The following GPR20 variants were observed in gnomAD, a reference collection of about 807,000 sequenced individuals.
The protein encoded by GPR20 is CTD-3064M3.3.
For synonymous variants in GPR20, 241 were observed against 241.9 expected, an observed-to-expected ratio of 1.00 and a Z score of 0.04; for missense variants, 494 against 527.4, an observed-to-expected ratio of 0.94 and a Z score of 0.62.
chr8:141,357,399 C>A lies in GPR20; in HGVS notation c.525G>T (p.Trp175Cys). 1 of 1,593,576 alleles carries A rather than the reference C, an allele frequency of 6.3e-7. No homozygotes were observed. The highest frequency in any genetic ancestry group is 8.5e-7 in the Non-Finnish European group (1 of 1,172,282). The change falls in exon 2 of 2, where the codon TGG (tryptophan) becomes TGT (cysteine). Residue 175 changes from tryptophan (W) to cysteine (C), a missense_variant. Transcript: ENST00000377741. ...ACARAVCAFV[W>C]LAAGAVTLSV... is the part of the protein sequence containing the mutation. The stretch of plus-strand genomic sequence containing the variant: ...ACAGGGTGACGGCACCGGCGGCCAG[C>A]CACACGAAGGCGCACACGGCCCTGG...
Position 141,357,135 on chromosome 8 carries a change from G to A in GPR20, c.789C>T (p.Ala263=), listed in dbSNP as rs776669655. 7.4e-6 allele frequency: 12 copies of A among 1,610,880 alleles called. No homozygotes were observed. The highest frequency in any genetic ancestry group is 5.3e-5 in the African/African-American group (4 of 74,948). The change falls in exon 2 of 2, where the codon GCC becomes GCT. Residue 263 remains alanine, a synonymous_variant. Transcript: ENST00000377741. ...GTGGCATGTCGGGCCACAGCGCCAC[G>A]GCCACTTGGCGGGCGTGGAAGGGCG... ...CFTPFHARQV[A]VALWPDMPHH...
At chr8:141,362,003 C>T (rs1194225871) in intron 1 of GPR20, among the ~76,000 whole-genome samples, 4 of 152,322 alleles carry the variant, frequency 2.6e-5, no homozygotes, top group East Asian at 1.9e-4. Context: ...ACAAAACAGC[C>T]GTCCTAGGCG....
intron 1 of GPR20, among the ~76,000 whole-genome samples, chr8:141,362,928 T>G (rs1831757234): frequency 6.6e-6 from 1 of 152,154 alleles, no homozygotes; most frequent in African/African-American, 2.4e-5. Context: ...AATTTTTGTA[T>G]TTTTGGTACA....
rs1032874560 is a variant in GPR20, at chr8:141,356,654, C to A, written c.*193G>T. ...CAAATCACCGGCATTCAGGCCACCA[C>A]ATCCCATCGGAGCCAGTGGCAGACA... On this transcript the variant is annotated 3_prime_UTR_variant, in exon 2 of 2. Coordinates refer to ENST00000377741, the MANE Select transcript of GPR20 (RefSeq NM_005293.3). 1 of 522,922 alleles carries A rather than the reference C, an allele frequency of 1.9e-6. No individual in the cohort carries two copies. The allele number at this position is 522,922 out of a possible 1,614,324, so 32.4% of individuals were successfully genotyped here.
intron 1 of GPR20, among the ~76,000 whole-genome samples, chr8:141,361,710 T>G (rs1473293555): frequency 6.6e-6 from 1 of 152,114 alleles, no homozygotes; most frequent in Non-Finnish European, 1.5e-5. Context: ...TCCTGTGAAG[T>G]GGGAATGGCC....
chr8:141,360,225 G>A (rs1378897474), intron 1 of GPR20, among the ~76,000 whole-genome samples: 3 of 152,282 alleles, frequency 2.0e-5, no homozygotes, highest in Non-Finnish European at 2.9e-5. Context: ...CTGATTCCCC[G>A]CACTAAGGGT....
chr8:141,366,481 G>A (rs1214251466), intron 1 of GPR20, among the ~76,000 whole-genome samples: 3 of 152,208 alleles, frequency 2.0e-5, no homozygotes, highest in African/African-American at 7.2e-5. Flanking sequence ...CTGTCCTGCC[G>A]CCTTCTCACA....
intron 1 of GPR20, among the ~76,000 whole-genome samples, chr8:141,363,407 G>A (rs1420555308): frequency 1.3e-5 from 2 of 152,258 alleles, no homozygotes; most frequent in African/African-American, 2.4e-5. Context: ...TGAAACTCAC[G>A]GTCCTGGGAA....
intron 1 of GPR20, among the ~76,000 whole-genome samples, chr8:141,364,136 C>A (rs1005100726): frequency 6.6e-6 from 1 of 152,186 alleles, no homozygotes; most frequent in African/African-American, 2.4e-5. Flanking sequence ...GAGCAGAGTG[C>A]GGGCTGGGGA....
chr8:141,360,437 C>G (rs1380857938), intron 1 of GPR20, among the ~76,000 whole-genome samples: 2 of 152,344 alleles, frequency 1.3e-5, no homozygotes, highest in African/African-American at 4.8e-5. Context: ...GGGCCCTCAG[C>G]CCGGACCTTC....
In GPR20 at chr8:141,357,454, C is replaced by A; in HGVS notation, c.470G>T (p.Gly157Val). 2 of 1,607,064 alleles carry A rather than the reference C, an allele frequency of 1.2e-6. No individual in the cohort carries two copies. The highest frequency in any genetic ancestry group is 1.7e-6 in the Non-Finnish European group (2 of 1,177,832). The change falls in exon 2 of 2, where the codon GGC (glycine) becomes GTC (valine). Residue 157 changes from glycine (G) to valine (V), a missense_variant. Gly to Val is a moderately radical substitution (Grantham distance 109). Transcript: ENST00000377741. ...GGCAGGCTGGCGGCAGCGGCGGGAG[C>A]CTTCGGGCCGCACGATGGCCAGGTA... ...DRYLAIVRPEGSRRCRQPACA... is the reference protein window; with the variant it reads ...DRYLAIVRPEVSRRCRQPACA...
In GPR20 at chr8:141,357,706, A is replaced by G; in HGVS notation, c.218T>C (p.Leu73Pro). The change falls in exon 2 of 2, where the codon CTG (leucine) becomes CCG (proline). Residue 73 changes from leucine to proline, a missense_variant. By Grantham distance (98) the Leu-to-Pro change is moderately conservative. Coordinates refer to ENST00000377741, the MANE Select transcript of GPR20 (RefSeq NM_005293.3). ...GCGGCAGCAGAAGACGTACAGCGCC[A>G]GCCCGTTGAGCACCAGCCCTGCCAG... The part of the protein sequence containing the change: ...IFLAGLVLNG[L>P]ALYVFCCRTR... 1 of 1,613,528 alleles carries G rather than the reference A, an allele frequency of 6.2e-7. No individual in the cohort carries two copies. The highest frequency in any genetic ancestry group is 8.5e-7 in the Non-Finnish European group (1 of 1,179,990).
At position 141,357,360 on chromosome 8, in the gene GPR20, C is replaced by A; in HGVS notation, c.564G>T (p.Val188=). The A allele has an allele frequency of 6.4e-7, 1 of 1,557,958 alleles. No individual in the cohort carries two copies. Residue 188 remains valine, a synonymous_variant, in exon 2 of 2, where the codon GTG becomes GTT. Transcript: ENST00000377741. ...CACGGCAGCAGGGCCGGCTGCCTGTCACGCCCAGCACCGACAGGGTGACGG... is the reference window on the plus strand; with the variant it reads ...CACGGCAGCAGGGCCGGCTGCCTGTAACGCCCAGCACCGACAGGGTGACGG... The part of the protein sequence containing the change: ...AGAVTLSVLG[V]TGSRPCCRVF...
At position 141,357,169 on chromosome 8, in the gene GPR20, A is replaced by G. The variant is rs765934652; in HGVS notation, c.755T>C (p.Val252Ala). 2.5e-6 allele frequency: 4 copies of G among 1,605,848 alleles called. No homozygotes were observed. In the South Asian group the frequency reaches 3.3e-5, roughly 13 times the overall value. The change falls in exon 2 of 2, where the codon GTC becomes GCC. Residue 252 changes from valine to alanine, a missense_variant. Val to Ala is a moderately conservative substitution (Grantham distance 64). Transcript: ENST00000377741. ...GCGGGCGTGGAAGGGCGTGAAGCAG[A>G]CGAGAAAGATGATGAGCACCGTGAG... ...LLLTVLIIFL[V>A]CFTPFHARQV...
intron 1 of GPR20, among the ~76,000 whole-genome samples, chr8:141,366,740 C>T (rs1002529509): frequency 1.3e-5 from 2 of 152,244 alleles, no homozygotes; most frequent in Non-Finnish European, 2.9e-5. Context: ...GTGGTGGTGG[C>T]TGAGGCCCCA....
chr8:141,357,607 A>C lies in GPR20; in HGVS notation c.317T>G (p.Leu106Arg). ...GTAGTACACAGCGAAGCGCGTGGGC[A>C]GGGACAGCCCTACCAGTAGATCGGT... ...VVTDLLVGLS[L>R]PTRFAVYYGA... The change falls in exon 2 of 2, where the codon CTG (leucine) becomes CGG (arginine). Residue 106 changes from leucine (L) to arginine (R), a missense_variant. Physicochemically the swap from Leu to Arg is moderately radical, Grantham distance 102. Coordinates refer to ENST00000377741, the MANE Select transcript of GPR20 (RefSeq NM_005293.3). The C allele has an allele frequency of 1.2e-6, 2 of 1,613,992 alleles. No homozygotes were observed. Among genetic ancestry groups the C allele is most frequent in the Non-Finnish European group, 1.7e-6 (2 of 1,180,022 alleles).
rs371694910 is a variant in GPR20, at chr8:141,357,373, G to A, written c.551C>T (p.Ser184Leu). The change falls in exon 2 of 2, where the codon TCG (serine) becomes TTG (leucine). Residue 184 changes from serine to leucine, a missense_variant. Ser to Leu is a moderately radical substitution (Grantham distance 145). Coordinates refer to ENST00000377741, the MANE Select transcript of GPR20 (RefSeq NM_005293.3). ...VWLAAGAVTL[S>L]VLGVTGSRPC... Reference sequence around the variant, plus strand: ...CCGGCTGCCTGTCACGCCCAGCACCGACAGGGTGACGGCACCGGCGGCCAG... The same window carrying A: ...CCGGCTGCCTGTCACGCCCAGCACCAACAGGGTGACGGCACCGGCGGCCAG... 10 of 1,568,584 alleles carry A rather than the reference G, an allele frequency of 6.4e-6. No individual in the cohort carries two copies. Among genetic ancestry groups the A allele is most frequent in the East Asian group, 2.4e-5 (1 of 42,408 alleles).
At chr8:141,365,890 C>G (rs977027846) in intron 1 of GPR20, among the ~76,000 whole-genome samples, 1 of 152,234 alleles carries the variant, frequency 6.6e-6, no homozygotes, top group African/African-American at 2.4e-5. Flanking sequence ...CTGCCACGCG[C>G]AGTTCCCTAT....
At position 141,357,836 on chromosome 8, in the gene GPR20, G is replaced by T; in HGVS notation, c.88C>A (p.Leu30Met). The T allele has an allele frequency of 6.2e-7, 1 of 1,613,074 alleles. No individual in the cohort carries two copies. Among genetic ancestry groups the T allele is most frequent in the Non-Finnish European group, 8.5e-7 (1 of 1,179,802 alleles). ...AACAGGTGGAACAGGGGCACCTCCA[G>T]CCCGCTGGCATTGGTCCGCACTGTT... ...VTTVRTNASG[L>M]EVPLFHLFAR... Residue 30 changes from leucine (L) to methionine (M), a missense_variant, in exon 2 of 2, where the codon CTG becomes ATG. By Grantham distance (15) the Leu-to-Met change is conservative. Coordinates refer to ENST00000377741, the MANE Select transcript of GPR20 (RefSeq NM_005293.3).
Sources: allele counts gnomAD v4.1 joint callset (sites outside exome capture counted in the v4.1 genomes callset), GRCh38; gene constraint gnomAD v4.1.1; transcripts MANE v1.5; gene names NCBI Gene and HGNC (gene_info 2026-07-23, HGNC 2026-07-21).